The following CCDC33 variants were observed in gnomAD, a reference collection of about 807,000 sequenced individuals.
CCDC33 encodes coiled-coil domain containing 33, also known as coiled-coil domain-containing protein 33.
A neutral mutation model predicts 91.9 loss-of-function variants in CCDC33; 94 were observed. The ratio of observed to expected loss-of-function variants is 1.02; its 90% CI spans 0.87 to 1.21. The LOEUF is 1.21. Ranked by LOEUF, CCDC33 falls within the 50% of genes most tolerant of loss-of-function variation. The pLI, the probability that CCDC33 is intolerant of heterozygous loss-of-function variation, is 0.00. For missense variants in CCDC33, 940 were observed against 935.5 expected (o/e 1.00, Z -0.06); for synonymous variants, 396 against 374.5 (o/e 1.06, Z -0.66).
At chr15:74,230,171 C>T (rs1049947231) in intron 2 of CCDC33, among the ~76,000 whole-genome samples, 114 of 152,212 alleles carry the variant, frequency 7.5e-4, no homozygotes, top group African/African-American at 2.5e-3. Context: ...GGCAGGGGTC[C>T]CCTGCAGTGA....
chr15:74,270,979 C>T (rs1334801873), intron 5 of CCDC33, among the ~76,000 whole-genome samples: 2 of 152,174 alleles, frequency 1.3e-5, no homozygotes, highest in Admixed American at 6.5e-5. Flanking sequence ...CAACCAAGGG[C>T]GGTCAGGGGA....
chr15:74,336,348 G>T (rs1254116195), downstream of CCDC33: 72 of 1,358,214 alleles, frequency 5.3e-5, no homozygotes, highest in Non-Finnish European at 6.5e-5. Context: ...CAGGGAGACG[G>T]GCCCCTTCCA....
intron 8 of CCDC33, 27 bp from the exon 9 acceptor site, chr15:74,280,641 G>A: frequency 2.1e-6 from 3 of 1,435,646 alleles, no homozygotes; most frequent in South Asian, 3.2e-5. Context: ...GCTTTGGCAG[G>A]AGCCCTAGTT....
At chr15:74,278,078 C>T (rs1007378552) in intron 7 of CCDC33, among the ~76,000 whole-genome samples, 27 of 152,194 alleles carry the variant, frequency 1.8e-4, no homozygotes, top group Admixed American at 4.6e-4. Flanking sequence ...CTTCTCTCAC[C>T]GGACCTGTTG....
intron 1 of CCDC33, among the ~76,000 whole-genome samples, chr15:74,240,825 T>A (rs2075324505): frequency 6.6e-6 from 1 of 152,194 alleles, no homozygotes; most frequent in Non-Finnish European, 1.5e-5. Flanking sequence ...TCTCCCAGCC[T>A]CCAGTGATTT....
At chr15:74,242,612 C>T (rs1421464901) in intron 1 of CCDC33, among the ~76,000 whole-genome samples, 1 of 152,116 alleles carries the variant, frequency 6.6e-6, no homozygotes, top group Admixed American at 6.5e-5. Context: ...CCCCTCATAT[C>T]AGCTGGAGGG....
chr15:74,271,145 G>A (rs1474672088), intron 5 of CCDC33, among the ~76,000 whole-genome samples: 6 of 152,158 alleles, frequency 3.9e-5, no homozygotes, highest in Non-Finnish European at 7.4e-5. Flanking sequence ...CACGAGGGAG[G>A]CAAGGGGAGC....
intron 4 of CCDC33, among the ~76,000 whole-genome samples, chr15:74,267,712 C>T (rs1186593023): frequency 2.0e-5 from 3 of 150,878 alleles, no homozygotes; most frequent in Non-Finnish European, 1.5e-5. Context: ...TAGCTGGATA[C>T]CCATGGAAGC....
intron 11 of CCDC33, among the ~76,000 whole-genome samples, chr15:74,325,308 A>G (rs1484216): frequency 0.56 from 84,124 of 151,202 alleles, 24,607 homozygotes; most frequent in Non-Finnish European, 0.66. Context: ...GAAGTCACCG[A>G]CTTTGTTCCT....
At chr15:74,320,170 C>T (rs548566890) in intron 11 of CCDC33, among the ~76,000 whole-genome samples, 11 of 152,144 alleles carry the variant, frequency 7.2e-5, no homozygotes, top group African/African-American at 1.2e-4. Context: ...CTCCCCACTG[C>T]GCTCTGTTCA....
At chr15:74,225,307 A>G (rs935350919) in intron 2 of CCDC33, among the ~76,000 whole-genome samples, 2 of 151,978 alleles carry the variant, frequency 1.3e-5, no homozygotes, top group Non-Finnish European at 2.9e-5. Flanking sequence ...TTATCTTCAC[A>G]GTGAAGGAAG....
chr15:74,224,454 T>C (rs2074721811), intron 2 of CCDC33, among the ~76,000 whole-genome samples: 1 of 152,192 alleles, frequency 6.6e-6, no homozygotes, highest in Non-Finnish European at 1.5e-5. Flanking sequence ...ACCCCTGTGC[T>C]TCCAGATTTC....
upstream of CCDC33, among the ~76,000 whole-genome samples, chr15:74,232,526 T>G (rs976320956): frequency 6.6e-6 from 1 of 152,176 alleles, no homozygotes; most frequent in Non-Finnish European, 1.5e-5. Flanking sequence ...ACACTTGGCC[T>G]TCTCTTTTCC....
intron 1 of CCDC33, among the ~76,000 whole-genome samples, chr15:74,238,416 A>G (rs2075247308): frequency 6.6e-6 from 1 of 152,050 alleles, no homozygotes. Context: ...TCTCAAAAAA[A>G]AAAAAAAAAA....
rs1029831463 is a variant in CCDC33, at chr15:74,331,127, G to T, written c.1677+15G>T. 1.8e-5 allele frequency: 29 copies of T among 1,613,238 alleles called. No homozygotes were observed. In the African/African-American group the frequency reaches 3.6e-4, roughly 20 times the overall value. ...ACCAAGAGAAGGCAGGTGGCAGAGG[G>T]GCTGCCCCCGAGGCCAACTGATGAT... is the stretch of plus-strand genomic sequence containing the variant. On this transcript the variant is annotated intron_variant, in intron 14 of 18. Coordinates refer to ENST00000398814, the MANE Select transcript of CCDC33 (RefSeq NM_025055.5).
At chr15:74,317,642 T>A (rs2060115998) in intron 11 of CCDC33, among the ~76,000 whole-genome samples, 1 of 152,120 alleles carries the variant, frequency 6.6e-6, no homozygotes, top group African/African-American at 2.4e-5. Flanking sequence ...AAACAAATAT[T>A]TATGAAGTCC....
chr15:74,288,282 T>G (rs1315695901), intron 10 of CCDC33, among the ~76,000 whole-genome samples: 1 of 152,222 alleles, frequency 6.6e-6, no homozygotes, highest in East Asian at 1.9e-4. Context: ...TACTGACATT[T>G]GCAAACTATT....
At chr15:74,260,345 C>A (rs1046824318) in intron 2 of CCDC33, among the ~76,000 whole-genome samples, 12 of 152,180 alleles carry the variant, frequency 7.9e-5, no homozygotes, top group Non-Finnish European at 1.8e-4. Context: ...TTCTGCAGAG[C>A]CTGCAGGGGT....
intron 10 of CCDC33, among the ~76,000 whole-genome samples, chr15:74,294,396 G>A (rs1374656399): frequency 6.6e-6 from 1 of 151,522 alleles, no homozygotes; most frequent in African/African-American, 2.4e-5. Context: ...TTCCCCAAAG[G>A]GAGCACAGAC....
Sources: gnomAD v4.1 joint callset for allele counts (sites outside exome capture counted in the v4.1 genomes callset) on GRCh38, gnomAD v4.1.1 for gene constraint, MANE v1.5 for transcripts, NCBI Gene and HGNC (gene_info 2026-07-23, HGNC 2026-07-21) for gene names.